RBFOX1: variants seen among roughly 807,000 people sequenced by gnomAD.
The protein encoded by RBFOX1 is RNA binding fox-1 homolog 1, also known as RNA binding protein fox-1 homolog 1.
In RBFOX1, 8 loss-of-function variants were observed where a neutral mutation model predicts 57.7. The observed-to-expected ratio is 0.14, with a 90% CI of 0.08 to 0.25. The LOEUF (loss-of-function observed/expected upper bound fraction) is 0.25, where lower values mean the gene tolerates loss of function less well. RBFOX1 is among the 10% of genes least tolerant of loss of function. The pLI is 1.00. For missense variants in RBFOX1, 611 were observed against 548.5 expected (o/e 1.11, Z -1.14); for synonymous variants, 326 against 222.4 (o/e 1.47, Z -4.15).
At chr16:6,143,579 C>G (rs1450593104) in intron 1 of RBFOX1, among the ~76,000 whole-genome samples, 4 of 152,106 alleles carry the variant, frequency 2.6e-5, no homozygotes, top group Non-Finnish European at 5.9e-5. Flanking sequence ...CCATAAGCAT[C>G]CAAGTGATTC....
intron 3 of RBFOX1, among the ~76,000 whole-genome samples, chr16:6,791,168 A>G (rs904884305): frequency 2.6e-5 from 4 of 151,986 alleles, no homozygotes; most frequent in Non-Finnish European, 5.9e-5. Context: ...CAGCCTCCCA[A>G]AGTGCTGGGG....
chr16:6,522,256 C>T (rs1287018621), intron 2 of RBFOX1, among the ~76,000 whole-genome samples: 1 of 151,622 alleles, frequency 6.6e-6, no homozygotes, highest in Non-Finnish European at 1.5e-5. Flanking sequence ...GCCCTACCCC[C>T]AGTGAAGAGA....
intron 3 of RBFOX1, among the ~76,000 whole-genome samples, chr16:7,028,454 G>T (rs1001453563): frequency 6.6e-6 from 1 of 151,752 alleles, no homozygotes; most frequent in Non-Finnish European, 1.5e-5. Context: ...GGGCGTGGTG[G>T]CTCATGCCTG....
intron 1 of RBFOX1, among the ~76,000 whole-genome samples, chr16:6,248,473 A>G (rs1046774166): frequency 7.9e-5 from 12 of 152,126 alleles, no homozygotes; most frequent in South Asian, 2.1e-4. Flanking sequence ...CACAGCTACT[A>G]AGAGCAATGT....
At chr16:5,411,620 G>A (rs2067023773) in intron 1 of RBFOX1, among the ~76,000 whole-genome samples, 2 of 152,160 alleles carry the variant, frequency 1.3e-5, no homozygotes, top group Non-Finnish European at 2.9e-5. Flanking sequence ...TTAGTAGTTG[G>A]CCGGGTGCAG....
intron 1 of RBFOX1, among the ~76,000 whole-genome samples, chr16:5,310,181 T>C (rs1431661925): frequency 6.6e-6 from 1 of 152,122 alleles, no homozygotes; most frequent in East Asian, 1.9e-4. Context: ...GGCGGATCAC[T>C]CGAGGGCAGG....
At chr16:6,764,147 A>C (rs543414638) in intron 3 of RBFOX1, among the ~76,000 whole-genome samples, 2 of 152,290 alleles carry the variant, frequency 1.3e-5, no homozygotes, top group African/African-American at 4.8e-5. Flanking sequence ...AAAGATGGGC[A>C]TTCCCTAGTC....
chr16:6,851,971 G>T (rs1392558164), intron 3 of RBFOX1, among the ~76,000 whole-genome samples: 1 of 151,202 alleles, frequency 6.6e-6, no homozygotes, highest in Non-Finnish European at 1.5e-5. Flanking sequence ...CGTCGCCCAG[G>T]CTGGAGTCCA....
chr16:6,908,770 C>G (rs996946743), intron 3 of RBFOX1, among the ~76,000 whole-genome samples: 7 of 152,102 alleles, frequency 4.6e-5, no homozygotes, highest in Admixed American at 2.6e-4. Context: ...AATCTGGGAC[C>G]AAGTGCTTAC....
intron 11 of RBFOX1, among the ~76,000 whole-genome samples, chr16:7,640,904 T>TTA (rs1555702673): frequency 6.8e-6 from 1 of 147,110 alleles, no homozygotes; most frequent in Non-Finnish European, 1.5e-5. Flanking sequence ...GGATTTACAT[T>TTA]AAAAAAAAAA....
chr16:7,388,890 T>A (rs1332622723), intron 4 of RBFOX1, among the ~76,000 whole-genome samples: 1 of 152,088 alleles, frequency 6.6e-6, no homozygotes, highest in Non-Finnish European at 1.5e-5. Context: ...GATAGAATAT[T>A]TTCAACTCAC....
rs1416250102 is a variant in RBFOX1 at position 6,053,196 on chromosome 16, C to T, written c.-127+33204C>T. Among the ~76,000 whole-genome samples, 10 of 152,110 alleles carry T rather than the reference C, an allele frequency of 6.6e-5. No individual in the cohort carries two copies. The East Asian group carries it at 1.9e-3, about 29-fold the overall frequency. ...TGCCATGGATGTAGCAGAAATTATC[C>T]GAGGGCTCCTGATGTAACTCCTGCC... On this transcript the variant is annotated intron_variant, in intron 1 of 15. Transcript: ENST00000550418.
At chr16:6,462,722 T>C (rs531469484) in intron 2 of RBFOX1, among the ~76,000 whole-genome samples, 3 of 90,060 alleles carry the variant, frequency 3.3e-5, no homozygotes, top group East Asian at 3.8e-4. Flanking sequence ...ACACACAAAA[T>C]TGGAGCAATT....
chr16:5,634,617 G>C (rs571267884), intron 3 of RBFOX1, among the ~76,000 whole-genome samples: 1 of 152,316 alleles, frequency 6.6e-6, no homozygotes, highest in Admixed American at 6.5e-5. Context: ...GATCATTTAA[G>C]CTGAAGGAAA....
intron 4 of RBFOX1, among the ~76,000 whole-genome samples, chr16:7,318,433 A>C (rs1004684449): frequency 6.6e-6 from 1 of 152,128 alleles, no homozygotes; most frequent in Non-Finnish European, 1.5e-5. Flanking sequence ...ATAGTTTCAC[A>C]CATAAGTACC....
chr16:7,537,204 G>T (rs573820787), intron 5 of RBFOX1, among the ~76,000 whole-genome samples: 1 of 152,344 alleles, frequency 6.6e-6, no homozygotes, highest in Non-Finnish European at 1.5e-5. Flanking sequence ...CTTGCCATGG[G>T]CTGGATGAGA....
At chr16:5,877,086 T>G (rs1472823295) in intron 4 of RBFOX1, among the ~76,000 whole-genome samples, 1 of 152,198 alleles carries the variant, frequency 6.6e-6, no homozygotes, top group Non-Finnish European at 1.5e-5. Context: ...TAGGGCACTG[T>G]GCTCCCTCCT....
chr16:6,765,206 T>C (rs907611506), intron 3 of RBFOX1, among the ~76,000 whole-genome samples: 1 of 152,014 alleles, frequency 6.6e-6, no homozygotes, highest in Admixed American at 6.5e-5. Context: ...GGGGGTGGAC[T>C]AAAGGCTGGA....
chr16:5,623,475 C>T (rs939247877), intron 3 of RBFOX1, among the ~76,000 whole-genome samples: 1 of 152,198 alleles, frequency 6.6e-6, no homozygotes, highest in African/African-American at 2.4e-5. Context: ...CATGCATGGC[C>T]ATGCTAAGTG....
Sources: allele counts gnomAD v4.1 joint callset (sites outside exome capture counted in the v4.1 genomes callset), GRCh38; gene constraint gnomAD v4.1.1; transcripts MANE v1.5; gene names NCBI Gene and HGNC (gene_info 2026-07-23, HGNC 2026-07-21).